NRP1: variants seen among roughly 807,000 people sequenced by gnomAD.
NRP1 encodes the protein neuropilin 1.
In NRP1, 35 loss-of-function variants were observed where a neutral mutation model predicts 106.7. The ratio of observed to expected loss-of-function variants is 0.33; its 90% CI spans 0.25 to 0.43. The LOEUF is 0.43. NRP1 is among the 20% of genes least tolerant of loss of function. The pLI, the probability that NRP1 is intolerant of heterozygous loss-of-function variation, is 1.00. For synonymous variants in NRP1, 437 were observed against 417.9 expected, an observed-to-expected ratio of 1.05 and a Z score of -0.56; for missense variants, 1,024 against 1,170.4, an observed-to-expected ratio of 0.87 and a Z score of 1.83.
chr10:33,186,537 C>T (rs754148898), intron 13 of NRP1, 49 bp from the exon 14 acceptor site: 1 of 1,549,900 alleles, frequency 6.5e-7, no homozygotes, highest in Non-Finnish European at 8.7e-7. Context: ...GATTACCACA[C>T]TTTTATCTCT....
chr10:33,296,370 AG>A (rs971658840), intron 2 of NRP1, among the ~76,000 whole-genome samples: 32 of 152,270 alleles, frequency 2.1e-4, no homozygotes, highest in African/African-American at 6.7e-4. Flanking sequence ...AAGTGGTTTT[AG>A]GAAAAAGTAC....
At chr10:33,270,927 C>A in intron 2 of NRP1, 71 bp from the exon 3 acceptor site, 1 of 1,254,744 alleles carries the variant, frequency 8.0e-7, no homozygotes, top group South Asian at 1.7e-5. Context: ...AATTTAGACA[C>A]CAGCATCATC....
At chr10:33,251,124 T>C (rs1841825182) in intron 6 of NRP1, among the ~76,000 whole-genome samples, 2 of 152,186 alleles carry the variant, frequency 1.3e-5, no homozygotes, top group South Asian at 4.1e-4. Flanking sequence ...GGGGCGGTTT[T>C]CCCCGTGCTC....
rs928892306 is a variant in NRP1 at position 33,181,837 on chromosome 10, C to A, written c.2482+861G>T. 2.0e-5 allele frequency among the ~76,000 whole-genome samples: 3 copies of A among 152,152 alleles called. No individual in the cohort carries two copies. The East Asian group carries it at 5.8e-4, about 29-fold the overall frequency. ...TATGTAGGACGGGTGCAGTGGCTCA[C>A]GCCTGTAATCCCAGCACTTTAGGAG... is the stretch of plus-strand genomic sequence containing the variant. On this transcript the variant is annotated intron_variant, in intron 16 of 16. Transcript: ENST00000374867.
intron 12 of NRP1, among the ~76,000 whole-genome samples, chr10:33,196,526 T>A (rs1836797322): frequency 6.6e-6 from 1 of 152,224 alleles, no homozygotes; most frequent in South Asian, 2.1e-4. Flanking sequence ...AGCCACATTT[T>A]ACAACTTAAG....
chr10:33,302,934 G>A (rs755332631), intron 2 of NRP1, among the ~76,000 whole-genome samples: 9 of 152,168 alleles, frequency 5.9e-5, no homozygotes, highest in Non-Finnish European at 8.8e-5. Context: ...CCATGTAAAA[G>A]GACTGCTTAG....
intron 2 of NRP1, among the ~76,000 whole-genome samples, chr10:33,282,128 GTT>G (rs5784329): frequency 6.7e-6 from 1 of 149,326 alleles, no homozygotes; most frequent in African/African-American, 2.5e-5. Context: ...ACCATAGTAT[GTT>G]TTTTTTTTTT....
At chr10:33,257,219 G>C (rs1842256938) in intron 4 of NRP1, among the ~76,000 whole-genome samples, 1 of 152,292 alleles carries the variant, frequency 6.6e-6, no homozygotes, top group East Asian at 1.9e-4. Context: ...CTAAATCTGA[G>C]AGGTGACTTG....
intron 6 of NRP1, among the ~76,000 whole-genome samples, chr10:33,232,230 T>C (rs970470376): frequency 7.9e-5 from 12 of 152,316 alleles, no homozygotes; most frequent in African/African-American, 2.4e-4. Context: ...TTCATCGTCC[T>C]AAACAATACT....
At chr10:33,314,779 G>A (rs1413415888) in intron 2 of NRP1, among the ~76,000 whole-genome samples, 2 of 152,140 alleles carry the variant, frequency 1.3e-5, no homozygotes, top group Admixed American at 6.5e-5. Flanking sequence ...GTCTAGGACA[G>A]GAGGCTTGTT....
chr10:33,256,813 C>T (rs972137233), intron 4 of NRP1, among the ~76,000 whole-genome samples: 2 of 152,170 alleles, frequency 1.3e-5, no homozygotes, highest in African/African-American at 4.8e-5. Flanking sequence ...AATCTGTATA[C>T]ACAGCTCAGC....
chr10:33,188,912 T>TAA, intron 13 of NRP1, among the ~76,000 whole-genome samples: 1 of 134,816 alleles, frequency 7.4e-6, no homozygotes, highest in Middle Eastern at 3.7e-3. Flanking sequence ...CTGTCTTAAA[T>TAA]ATATATATAT....
intron 6 of NRP1, among the ~76,000 whole-genome samples, chr10:33,237,290 C>A (rs1252896624): frequency 6.6e-6 from 1 of 152,012 alleles, no homozygotes; most frequent in Non-Finnish European, 1.5e-5. Flanking sequence ...AAGTGTCAGC[C>A]TAGTGATAAG....
intron 4 of NRP1, among the ~76,000 whole-genome samples, chr10:33,262,288 G>T (rs958758856): frequency 2.0e-5 from 3 of 152,172 alleles, no homozygotes; most frequent in African/African-American, 7.2e-5. Flanking sequence ...ATTTCACTGT[G>T]TATTTTTGCC....
chr10:33,182,608 C>A, intron 16 of NRP1, 90 bp downstream of exon 16: 1 of 847,882 alleles, frequency 1.2e-6, no homozygotes, highest in South Asian at 1.5e-5. Flanking sequence ...TTTGACATAC[C>A]AGTGTATTAG....
chr10:33,177,666 A>T lies in NRP1; in HGVS notation c.*2410T>A, dbSNP rs1835459031. 6.6e-6 allele frequency: 1 copy of T among 152,628 alleles called. No individual in the cohort carries two copies. The highest frequency in any genetic ancestry group is 6.5e-5 in the Admixed American group (1 of 15,272). 9.5% of individuals were successfully genotyped at this position (152,628 alleles called of 1,614,324 possible). A position where few individuals can be genotyped will look rare whatever the true frequency, so the allele number is the denominator to read the frequency against. ...TGTTCATTTTGAAACAACAATTTAC[A>T]AGTGTCATATTGTCATAGAAAATAA... On this transcript the variant is annotated 3_prime_UTR_variant, in exon 17 of 17. Coordinates refer to ENST00000374867, the MANE Select transcript of NRP1 (RefSeq NM_003873.7).
intron 2 of NRP1, among the ~76,000 whole-genome samples, chr10:33,273,214 G>T (rs957517233): frequency 2.6e-5 from 4 of 152,256 alleles, no homozygotes; most frequent in African/African-American, 9.6e-5. Flanking sequence ...TTGTAAACTG[G>T]AAGGCTGCTA....
chr10:33,214,898 G>T (rs1355578255), intron 8 of NRP1, among the ~76,000 whole-genome samples: 2 of 152,172 alleles, frequency 1.3e-5, no homozygotes, highest in Non-Finnish European at 2.9e-5. Context: ...GGTGATGCTT[G>T]CACAGCAATG....
intron 2 of NRP1, among the ~76,000 whole-genome samples, chr10:33,272,825 A>G (rs1389327315): frequency 6.6e-6 from 1 of 151,996 alleles, no homozygotes; most frequent in Non-Finnish European, 1.5e-5. Flanking sequence ...GAATCCTGAC[A>G]TGGTCTGAAT....
Sources: gnomAD v4.1 joint callset for allele counts (sites outside exome capture counted in the v4.1 genomes callset) on GRCh38, gnomAD v4.1.1 for gene constraint, MANE v1.5 for transcripts, NCBI Gene and HGNC (gene_info 2026-07-23, HGNC 2026-07-21) for gene names.